Variants in CLDN10 observed in about 807,000 individuals in gnomAD.
CLDN10 encodes claudin 10.
A neutral mutation model predicts 22.9 loss-of-function variants in CLDN10; 15 were observed. The ratio of observed to expected loss-of-function variants is 0.65; its 90% CI spans 0.44 to 1.01. The LOEUF (loss-of-function observed/expected upper bound fraction) is 1.01. Among genes scored for constraint, CLDN10 ranks in the 50% least tolerant of loss-of-function variants. CLDN10 has a pLI of 0.00. For missense variants in CLDN10, 247 were observed against 287.8 expected (o/e 0.86, Z 1.03); for synonymous variants, 114 against 111.4 (o/e 1.02, Z -0.15).
chr13:95,475,514 G>A (rs1199480295), intron 1 of CLDN10, among the ~76,000 whole-genome samples: 2 of 152,210 alleles, frequency 1.3e-5, no homozygotes, highest in Non-Finnish European at 2.9e-5. Context: ...TGCTGACTGA[G>A]CACTGGCCAC....
intron 1 of CLDN10, among the ~76,000 whole-genome samples, chr13:95,514,558 A>G (rs1278648367): frequency 2.6e-5 from 4 of 152,134 alleles, no homozygotes; most frequent in Non-Finnish European, 5.9e-5. Flanking sequence ...GAGGAGTAAA[A>G]GTGTTTCAGA....
chr13:95,509,829 C>G (rs575476750), intron 1 of CLDN10, among the ~76,000 whole-genome samples: 2 of 152,222 alleles, frequency 1.3e-5, no homozygotes, highest in East Asian at 3.9e-4. Flanking sequence ...GTTTCTTCTG[C>G]CCCACTCCCA....
intron 3 of CLDN10, 34 bp downstream of exon 3, chr13:95,560,497 A>T (rs2043694414): frequency 6.6e-7 from 1 of 1,509,380 alleles, no homozygotes; most frequent in Non-Finnish European, 9.2e-7. Flanking sequence ...TCCAGCTCAC[A>T]GGAAGTGTAT....
intron 1 of CLDN10, among the ~76,000 whole-genome samples, chr13:95,434,459 A>C (rs549652249): frequency 4.7e-4 from 45 of 96,704 alleles, no homozygotes; most frequent in South Asian, 3.7e-3. Flanking sequence ...CTCTCTCTCT[A>C]TATATATATA....
At chr13:95,441,072 C>A (rs1329941545) in intron 1 of CLDN10, among the ~76,000 whole-genome samples, 1 of 152,170 alleles carries the variant, frequency 6.6e-6, no homozygotes, top group Non-Finnish European at 1.5e-5. Context: ...CTGTGTCTGG[C>A]TTAGAAGGCA....
intron 1 of CLDN10, among the ~76,000 whole-genome samples, chr13:95,448,690 A>G (rs1190637219): frequency 7.0e-6 from 1 of 142,488 alleles, no homozygotes; most frequent in African/African-American, 2.5e-5. Flanking sequence ...ACGTTCCATC[A>G]CATCATCATC....
chr13:95,493,087 T>G (rs903803537), intron 1 of CLDN10, among the ~76,000 whole-genome samples: 1 of 152,096 alleles, frequency 6.6e-6, no homozygotes, highest in African/African-American at 2.4e-5. Flanking sequence ...CTCTCAGGAT[T>G]GCTGGTTTGT....
At chr13:95,450,468 G>A (rs751407950) in intron 1 of CLDN10, among the ~76,000 whole-genome samples, 3 of 152,278 alleles carry the variant, frequency 2.0e-5, no homozygotes, top group South Asian at 2.1e-4. Context: ...TAGGGTGGCA[G>A]CACATTTCTC....
chr13:95,449,022 A>G (rs2042408118), intron 1 of CLDN10, among the ~76,000 whole-genome samples: 1 of 151,936 alleles, frequency 6.6e-6, no homozygotes, highest in African/African-American at 2.4e-5. Flanking sequence ...TATAGGCATG[A>G]ACCACCGTGC....
At chr13:95,452,706 T>C (rs904979842) in intron 1 of CLDN10, among the ~76,000 whole-genome samples, 2 of 152,214 alleles carry the variant, frequency 1.3e-5, no homozygotes, top group Non-Finnish European at 2.9e-5. Flanking sequence ...GCCATAACCT[T>C]CTCGAGATAG....
At chr13:95,544,025 AT>A (rs2043484683) in intron 1 of CLDN10, among the ~76,000 whole-genome samples, 1 of 152,204 alleles carries the variant, frequency 6.6e-6, no homozygotes, top group Non-Finnish European at 1.5e-5. Context: ...CATGCTTAAC[AT>A]TCTACCAATC....
At chr13:95,523,069 A>G (rs1426918074) in intron 1 of CLDN10, among the ~76,000 whole-genome samples, 2 of 151,918 alleles carry the variant, frequency 1.3e-5, no homozygotes, top group South Asian at 2.1e-4. Context: ...AATAATTTGT[A>G]TTTAAGTTTA....
intron 1 of CLDN10, among the ~76,000 whole-genome samples, chr13:95,482,467 C>A (rs537808278): frequency 6.6e-6 from 1 of 152,186 alleles, no homozygotes; most frequent in South Asian, 2.1e-4. Flanking sequence ...CTCACTGAGT[C>A]ATGTCTTTTG....
chr13:95,568,621 G>T (rs2138673621), intron 3 of CLDN10, among the ~76,000 whole-genome samples: 1 of 152,086 alleles, frequency 6.6e-6, no homozygotes, highest in East Asian at 1.9e-4. Flanking sequence ...AACCCTACTG[G>T]GTGGTTTGCA....
intron 1 of CLDN10, among the ~76,000 whole-genome samples, chr13:95,489,076 C>T (rs1453892017): frequency 2.7e-5 from 3 of 109,604 alleles, no homozygotes; most frequent in African/African-American, 8.0e-5. Flanking sequence ...CTCAGCCTCC[C>T]GAGAAGCTGG....
chr13:95,475,411 GA>G (rs1431838548), intron 1 of CLDN10, among the ~76,000 whole-genome samples: 1 of 152,188 alleles, frequency 6.6e-6, no homozygotes, highest in African/African-American at 2.4e-5. Context: ...AAGTTCAAGA[GA>G]GGGGAGATGA....
chr13:95,560,882 T>A (rs2043701647), intron 3 of CLDN10: 1 of 181,568 alleles, frequency 5.5e-6, no homozygotes, highest in African/African-American at 2.4e-5. Flanking sequence ...GTCTTTTAAA[T>A]TTGCTGTATT....
chr13:95,443,853 G>C (rs2042346990), intron 1 of CLDN10, among the ~76,000 whole-genome samples: 2 of 152,156 alleles, frequency 1.3e-5, no homozygotes, highest in South Asian at 2.1e-4. Flanking sequence ...CCTCGGGTTG[G>C]AGGAGCAGTT....
intron 1 of CLDN10, among the ~76,000 whole-genome samples, chr13:95,482,378 G>A (rs6492792): frequency 0.59 from 90,283 of 152,088 alleles, 28,040 homozygotes; most frequent in African/African-American, 0.79. Flanking sequence ...CAAGTCAGGC[G>A]CCGTGCACAG....
Sources: allele counts gnomAD v4.1 joint callset (sites outside exome capture counted in the v4.1 genomes callset), GRCh38; gene constraint gnomAD v4.1.1; transcripts MANE v1.5; gene names NCBI Gene and HGNC (gene_info 2026-07-23, HGNC 2026-07-21).